CNTN4: variants seen among roughly 807,000 people sequenced by gnomAD.
The protein encoded by CNTN4 is contactin-4.
CNTN4 carries 77 observed loss-of-function variants against 122.5 expected under a neutral mutation model. The ratio of observed to expected loss-of-function variants is 0.63; its 90% CI spans 0.52 to 0.76. The LOEUF is 0.76. Among genes scored for constraint, CNTN4 ranks in the 30% least tolerant of loss-of-function variants. The pLI is 0.00. For synonymous variants in CNTN4, 512 were observed against 447.0 expected, an observed-to-expected ratio of 1.15 and a Z score of -1.83; for missense variants, 1,256 against 1,259.1, an observed-to-expected ratio of 1.00 and a Z score of 0.04.
chr3:2,897,785 G>A (rs1219358095), intron 10 of CNTN4, among the ~76,000 whole-genome samples: 1 of 152,114 alleles, frequency 6.6e-6, no homozygotes, highest in Non-Finnish European at 1.5e-5. Flanking sequence ...TGGCATCATG[G>A]TGGCCCTCAA....
At chr3:3,055,243 A>G (rs163574) in intron 24 of CNTN4, among the ~76,000 whole-genome samples, 133,817 of 152,166 alleles carry the variant, frequency 0.88, 59,051 homozygotes, top group Middle Eastern at 0.91. Context: ...TCCAGGCCAC[A>G]AAAATACAAG....
chr3:2,236,878 A>G (rs1418200543), intron 2 of CNTN4, among the ~76,000 whole-genome samples: 1 of 152,228 alleles, frequency 6.6e-6, no homozygotes. Context: ...AGATAGAATG[A>G]GTAGGCAGAA....
intron 4 of CNTN4, among the ~76,000 whole-genome samples, chr3:2,685,134 C>T (rs921021518): frequency 1.2e-4 from 18 of 152,052 alleles, no homozygotes; most frequent in Non-Finnish European, 1.3e-4. Context: ...CATTAGCTAC[C>T]ATCTGGTCTT....
chr3:2,583,283 C>T (rs1416047123), intron 4 of CNTN4, among the ~76,000 whole-genome samples: 2 of 152,222 alleles, frequency 1.3e-5, no homozygotes, highest in Non-Finnish European at 2.9e-5. Flanking sequence ...GAGCATTTCA[C>T]AGATTGTCAA....
intron 4 of CNTN4, among the ~76,000 whole-genome samples, chr3:2,616,150 C>A (rs1352063974): frequency 6.6e-6 from 1 of 151,882 alleles, no homozygotes; most frequent in Non-Finnish European, 1.5e-5. Flanking sequence ...CCCCTAACCC[C>A]CCATCCCCCC....
intron 13 of CNTN4, among the ~76,000 whole-genome samples, chr3:2,946,437 A>G (rs1265795493): frequency 6.6e-6 from 1 of 152,194 alleles, no homozygotes; most frequent in African/African-American, 2.4e-5. Context: ...GTATATGCTC[A>G]TGTAACGTCA....
chr3:2,459,751 T>C (rs534312292), intron 3 of CNTN4, among the ~76,000 whole-genome samples: 1 of 152,232 alleles, frequency 6.6e-6, no homozygotes, highest in East Asian at 1.9e-4. Context: ...GCTAACCTGG[T>C]TCCTGTCCTT....
chr3:2,112,298 G>C (rs1484298768), intron 2 of CNTN4, among the ~76,000 whole-genome samples: 3 of 152,134 alleles, frequency 2.0e-5, no homozygotes, highest in African/African-American at 7.2e-5. Flanking sequence ...TCAGTCAAAT[G>C]TGATTGAAAT....
chr3:2,883,204 G>A lies in CNTN4; in HGVS notation c.712G>A (p.Ala238Thr). Residue 238 changes from alanine (A) to threonine (T), a missense_variant, in exon 9 of 25, where the codon GCA becomes ACA. Ala to Thr is a moderately conservative substitution (Grantham distance 58). Coordinates refer to ENST00000418658, the MANE Select transcript of CNTN4 (RefSeq NM_175607.3). ...GCAGTTCCCAGAAACAGTTCCGACT[G>A]CAAAAGGAGCAACGGTGAAGCTGGA... ...EVQFPETVPT[A>T]KGATVKLECF... 5 of 1,613,820 alleles carry A rather than the reference G, an allele frequency of 3.1e-6. No homozygotes were observed. Among genetic ancestry groups the A allele is most frequent in the Non-Finnish European group, 4.2e-6 (5 of 1,179,810 alleles).
intron 2 of CNTN4, among the ~76,000 whole-genome samples, chr3:2,217,358 T>G (rs1252128361): frequency 6.6e-6 from 1 of 152,182 alleles, no homozygotes; most frequent in Non-Finnish European, 1.5e-5. Flanking sequence ...AGTTCCAGGA[T>G]GAGTTAATCT....
intron 2 of CNTN4, among the ~76,000 whole-genome samples, chr3:2,155,076 A>T (rs556272709): frequency 2.6e-5 from 4 of 152,342 alleles, no homozygotes; most frequent in East Asian, 1.9e-4. Flanking sequence ...TGCCATTTTA[A>T]TTTAACTATT....
rs115389452 is a variant in CNTN4 at position 2,946,684 on chromosome 3, G to A, written c.1358+20905G>A. Reference sequence around the variant, plus strand: ...TTCAAAAACTGAAGGATCTGCAACAGACAGCTTGCTTTTTTTTTTCTTTTT... The same window carrying A: ...TTCAAAAACTGAAGGATCTGCAACAAACAGCTTGCTTTTTTTTTTCTTTTT... On this transcript the variant is annotated intron_variant, in intron 13 of 24. Transcript: ENST00000418658. Among the ~76,000 whole-genome samples, 1,398 of 148,132 alleles carry A rather than the reference G, an allele frequency of 9.4e-3. 6 individuals are homozygous for A. The highest frequency in any genetic ancestry group is 0.015 in the Non-Finnish European group (995 of 67,272).
chr3:2,488,911 T>C (rs554684347), intron 3 of CNTN4, among the ~76,000 whole-genome samples: 1 of 152,322 alleles, frequency 6.6e-6, no homozygotes, highest in South Asian at 2.1e-4. Context: ...GCTCCATTTT[T>C]AATAATAGAT....
At chr3:2,423,591 T>C (rs1039774273) in intron 3 of CNTN4, among the ~76,000 whole-genome samples, 52 of 151,514 alleles carry the variant, frequency 3.4e-4, no homozygotes, top group African/African-American at 1.2e-3. Context: ...AGAGAAAAGA[T>C]GTTGATGAAA....
intron 2 of CNTN4, among the ~76,000 whole-genome samples, chr3:2,327,376 C>T (rs916758556): frequency 2.6e-5 from 4 of 152,134 alleles, no homozygotes; most frequent in African/African-American, 9.7e-5. Flanking sequence ...CCTCCTTATG[C>T]TATTTAGTTT....
At chr3:2,761,982 A>AT (rs1342033577) in intron 6 of CNTN4, among the ~76,000 whole-genome samples, 4 of 152,152 alleles carry the variant, frequency 2.6e-5, no homozygotes, top group African/African-American at 9.7e-5. Context: ...TCCCATAAAT[A>AT]TTTAATGAAT....
chr3:2,538,620 A>C (rs1397147818), intron 3 of CNTN4, among the ~76,000 whole-genome samples: 2 of 152,048 alleles, frequency 1.3e-5, no homozygotes, highest in Non-Finnish European at 2.9e-5. Context: ...TCTGGTTTAC[A>C]TTTGAAGCTA....
At chr3:2,858,488 G>A (rs1366972422) in intron 7 of CNTN4, among the ~76,000 whole-genome samples, 1 of 152,212 alleles carries the variant, frequency 6.6e-6, no homozygotes, top group Non-Finnish European at 1.5e-5. Context: ...TACTTTGGGA[G>A]GCTGTGATGG....
chr3:2,240,683 A>T (rs1225801342), intron 2 of CNTN4, among the ~76,000 whole-genome samples: 2 of 151,510 alleles, frequency 1.3e-5, no homozygotes, highest in Non-Finnish European at 2.9e-5. Flanking sequence ...AAACTATGTA[A>T]CTCATGTATG....
Sources: allele counts gnomAD v4.1 joint callset (sites outside exome capture counted in the v4.1 genomes callset), GRCh38; gene constraint gnomAD v4.1.1; transcripts MANE v1.5; gene names NCBI Gene and HGNC (gene_info 2026-07-23, HGNC 2026-07-21).